The following PPP4R4 variants were observed in gnomAD, a reference collection of about 807,000 sequenced individuals.
PPP4R4 encodes protein phosphatase 4 regulatory subunit 4.
A neutral mutation model predicts 121.8 loss-of-function variants in PPP4R4; 70 were observed. The ratio of observed to expected loss-of-function variants is 0.57; its 90% CI spans 0.47 to 0.70. The LOEUF is 0.70. Ranked by LOEUF, PPP4R4 falls within the 30% of genes least tolerant of loss-of-function variation. PPP4R4 has a pLI of 0.00. For synonymous variants in PPP4R4, 348 were observed against 355.7 expected, an observed-to-expected ratio of 0.98 and a Z score of 0.24; for missense variants, 875 against 1,033.6, an observed-to-expected ratio of 0.85 and a Z score of 2.10.
intron 2 of PPP4R4, among the ~76,000 whole-genome samples, chr14:94,203,102 G>GGAT (rs1460576328): frequency 6.6e-6 from 1 of 152,146 alleles, no homozygotes; most frequent in Non-Finnish European, 1.5e-5. Context: ...CATCTTGACA[G>GGAT]GATGTTGACA....
chr14:94,237,629 A>G lies in PPP4R4; in HGVS notation c.796A>G (p.Ser266Gly), dbSNP rs1892412234. 1.2e-6 allele frequency: 2 copies of G among 1,612,212 alleles called. No individual in the cohort carries two copies. Among genetic ancestry groups the G allele is most frequent in the African/African-American group, 2.7e-5 (2 of 75,034 alleles). The change falls in exon 8 of 25, where the codon AGT becomes GGT. Residue 266 changes from serine (S) to glycine (G), a missense_variant. Coordinates refer to ENST00000304338, the MANE Select transcript of PPP4R4 (RefSeq NM_058237.2). ...AGAACTTTCTAGGGATGAAGGCAGC[A>G]GTGTACGACTTGCAGCTTTTGAAAC... ...LIELSRDEGS[S>G]VRLAAFETLV...
At position 94,243,343 on chromosome 14, in the gene PPP4R4, C is replaced by T. The variant is rs928577479; in HGVS notation, c.1266+935C>T. Among the ~76,000 whole-genome samples the T allele has an allele frequency of 3.3e-5, 5 of 152,132 alleles. No individual in the cohort carries two copies. In the South Asian group the frequency reaches 6.2e-4, roughly 19 times the overall value. On this transcript the variant is annotated intron_variant, in intron 11 of 24. Transcript: ENST00000304338. The stretch of plus-strand genomic sequence containing the variant: ...AAACACACCTGTAGAACTCTGCTTT[C>T]GGAGGAGCGGGGATAGGGCAGAAAG...
chr14:94,182,690 GT>G (rs770677189), intron 2 of PPP4R4, among the ~76,000 whole-genome samples: 2 of 152,120 alleles, frequency 1.3e-5, no homozygotes, highest in Non-Finnish European at 2.9e-5. Context: ...ATTTGGCTTA[GT>G]TTTCAGTTTG....
intron 3 of PPP4R4, among the ~76,000 whole-genome samples, chr14:94,210,829 A>C (rs1412178663): frequency 6.6e-6 from 1 of 152,190 alleles, no homozygotes; most frequent in Non-Finnish European, 1.5e-5. Context: ...TATATAATGT[A>C]GACAGCCAAA....
At chr14:94,203,065 T>C (rs574255910) in intron 2 of PPP4R4, among the ~76,000 whole-genome samples, 3 of 152,350 alleles carry the variant, frequency 2.0e-5, no homozygotes, top group African/African-American at 7.2e-5. Context: ...ACCCATGTTC[T>C]CTTTATCCAG....
At chr14:94,275,649 G>T in intron 24 of PPP4R4, 128 bp downstream of exon 24, 2 of 1,063,350 alleles carry the variant, frequency 1.9e-6, no homozygotes, top group South Asian at 1.6e-5. Flanking sequence ...ATAAATTAAA[G>T]GGTATTATTG....
intron 19 of PPP4R4, among the ~76,000 whole-genome samples, chr14:94,262,598 A>G (rs1235908753): frequency 6.6e-6 from 1 of 152,030 alleles, no homozygotes; most frequent in Non-Finnish European, 1.5e-5. Flanking sequence ...TTATATCTGC[A>G]TTGAAGACCC....
chr14:94,227,949 A>C (rs771815445), intron 3 of PPP4R4: 122 of 880,730 alleles, frequency 1.4e-4, no homozygotes, highest in Non-Finnish European at 1.7e-4. Context: ...ACACTAAAAC[A>C]AAGGGGTATG....
chr14:94,278,204 G>C (rs934289072), intron 24 of PPP4R4, among the ~76,000 whole-genome samples: 2 of 152,140 alleles, frequency 1.3e-5, no homozygotes, highest in East Asian at 3.8e-4. Flanking sequence ...CAGTGTCATT[G>C]AGATGACACA....
chr14:94,227,389 A>T, intron 3 of PPP4R4: 1 of 1,604,516 alleles, frequency 6.2e-7, no homozygotes, highest in Non-Finnish European at 8.5e-7. Context: ...GTAAGTATTG[A>T]ACTCTTATTG....
At chr14:94,275,325 T>C in intron 23 of PPP4R4, 49 bp from the exon 24 acceptor site, 1 of 1,592,522 alleles carries the variant, frequency 6.3e-7, no homozygotes, top group Admixed American at 1.7e-5. Context: ...TTGGTTACCC[T>C]CTTTGTTAGT....
At chr14:94,213,090 A>G (rs1391700161) in intron 3 of PPP4R4, among the ~76,000 whole-genome samples, 1 of 152,194 alleles carries the variant, frequency 6.6e-6, no homozygotes, top group East Asian at 1.9e-4. Flanking sequence ...TAATCTGAAT[A>G]CTCATAGCAG....
At chr14:94,260,343 G>A (rs557156916) in intron 19 of PPP4R4, among the ~76,000 whole-genome samples, 8 of 152,076 alleles carry the variant, frequency 5.3e-5, no homozygotes, top group South Asian at 2.1e-4. Flanking sequence ...AGAGAATGGC[G>A]TGAACCCGGG....
chr14:94,212,733 G>A (rs1890810117), intron 3 of PPP4R4, among the ~76,000 whole-genome samples: 1 of 151,828 alleles, frequency 6.6e-6, no homozygotes, highest in South Asian at 2.1e-4. Context: ...TTCAATATTT[G>A]CTTTGAACTT....
chr14:94,246,288 A>G, intron 13 of PPP4R4, 69 bp from the exon 14 acceptor site: 1 of 1,367,762 alleles, frequency 7.3e-7, no homozygotes, highest in Non-Finnish European at 1.0e-6. Flanking sequence ...AATGTGTTAT[A>G]AGACTGAGTA....
chr14:94,277,595 C>G (rs903279314), intron 24 of PPP4R4, among the ~76,000 whole-genome samples: 18 of 152,288 alleles, frequency 1.2e-4, no homozygotes, highest in African/African-American at 4.3e-4. Context: ...AAAGTAATCT[C>G]TTGTCCACTT....
chr14:94,217,248 C>T (rs1039152684), intron 3 of PPP4R4, among the ~76,000 whole-genome samples: 1 of 152,162 alleles, frequency 6.6e-6, no homozygotes, highest in African/African-American at 2.4e-5. Flanking sequence ...GAGGCAAACC[C>T]TTTGGCATCT....
intron 2 of PPP4R4, among the ~76,000 whole-genome samples, chr14:94,193,437 A>G (rs532055665): frequency 1.2e-4 from 19 of 152,282 alleles, no homozygotes; most frequent in Non-Finnish European, 2.1e-4. Flanking sequence ...ATATCTACCT[A>G]CCTTATAAAA....
At chr14:94,270,275 A>G (rs567151487) in intron 23 of PPP4R4, among the ~76,000 whole-genome samples, 9 of 152,222 alleles carry the variant, frequency 5.9e-5, no homozygotes, top group Admixed American at 3.9e-4. Flanking sequence ...TATGGATTGA[A>G]AAACTTAATA....
Sources: allele counts gnomAD v4.1 joint callset (sites outside exome capture counted in the v4.1 genomes callset), GRCh38; gene constraint gnomAD v4.1.1; transcripts MANE v1.5; gene names NCBI Gene and HGNC (gene_info 2026-07-23, HGNC 2026-07-21).